Variants in PIK3C2B observed in about 807,000 individuals in gnomAD.
PIK3C2B encodes the protein phosphatidylinositol-4-phosphate 3-kinase catalytic subunit type 2 beta.
A neutral mutation model predicts 184.3 loss-of-function variants in PIK3C2B; 83 were observed. That is an observed-to-expected ratio of 0.45 (90% CI 0.38 to 0.54). The LOEUF (loss-of-function observed/expected upper bound fraction) is 0.54, where lower values mean the gene tolerates loss of function less well. Ranked by LOEUF, PIK3C2B falls within the 20% of genes least tolerant of loss-of-function variation. PIK3C2B has a pLI of 0.00. For missense variants in PIK3C2B, 1,736 were observed against 2,113.5 expected, an observed-to-expected ratio of 0.82 and a Z score of 3.50; for synonymous variants, 779 against 837.6, an observed-to-expected ratio of 0.93 and a Z score of 1.21.
chr1:204,435,751 C>G (rs1309264123), intron 23 of PIK3C2B: 3 of 152,188 alleles, frequency 2.0e-5, no homozygotes, highest in African/African-American at 7.2e-5. Flanking sequence ...AAAACTAGCT[C>G]CACACAGAAT....
At position 204,449,889 on chromosome 1, in the gene PIK3C2B, G is replaced by A. The variant is rs761711313; in HGVS notation, c.2195C>T (p.Ala732Val). The A allele has an allele frequency of 3.1e-6, 5 of 1,613,202 alleles. No individual in the cohort carries two copies. The Admixed American group carries it at 8.3e-5, about 27-fold the overall frequency. The change falls in exon 13 of 33, where the codon GCC becomes GTC. Residue 732 changes from alanine (A) to valine (V), a missense_variant. Coordinates refer to ENST00000684373, the MANE Select transcript of PIK3C2B (RefSeq NM_001377334.1). ...EANKQRRVPE[A>V]LGWVTTPLFN... is the part of the protein sequence containing the mutation. Reference sequence around the variant, plus strand: ...GAGTGGGGTAGTGACCCAGCCCAGGGCTTCAGGCACCCGCCGCTGCTTATT... The same window carrying A: ...GAGTGGGGTAGTGACCCAGCCCAGGACTTCAGGCACCCGCCGCTGCTTATT...
intron 7 of PIK3C2B, 143 bp from the exon 8 acceptor site, chr1:204,460,084 A>T (rs5013460): frequency 0.97 from 681,305 of 705,620 alleles, 330,661 homozygotes; most frequent in Non-Finnish European, 1. Flanking sequence ...CTGTGAAGAC[A>T]TATAGAGGGA....
chr1:204,486,878 G>A (rs779937045), intron 1 of PIK3C2B, among the ~76,000 whole-genome samples: 52 of 152,114 alleles, frequency 3.4e-4, no homozygotes, highest in Non-Finnish European at 6.5e-4. Context: ...CACAATCTCC[G>A]CTCACTGCAA....
At chr1:204,490,085 G>A (rs1319756622) in intron 1 of PIK3C2B, 5 of 396,070 alleles carry the variant, frequency 1.3e-5, no homozygotes, top group Non-Finnish European at 2.2e-5. Flanking sequence ...GTGGAACAGT[G>A]GCAGGAGTGA....
chr1:204,481,967 G>C (rs1010459295), intron 1 of PIK3C2B, among the ~76,000 whole-genome samples: 1 of 152,142 alleles, frequency 6.6e-6, no homozygotes, highest in African/African-American at 2.4e-5. Flanking sequence ...ACTTACACAG[G>C]GGTGTGAGAG....
In PIK3C2B at chr1:204,433,704, T is replaced by C. The variant is rs1292691274; in HGVS notation, c.3843+89A>G. The stretch of plus-strand genomic sequence containing the variant: ...GTTGGGGCTCAGAGAGGTAAATCTC[T>C]AGAAATCCTCTGCGGCAAGACAGGG... On this transcript the variant is annotated intron_variant, in intron 25 of 32. Coordinates refer to ENST00000684373, the MANE Select transcript of PIK3C2B (RefSeq NM_001377334.1). The surrounding 1 kb of genome is among the most constrained non-coding windows in gnomAD (Gnocchi z 5.0). 59 of 1,310,370 alleles carry C rather than the reference T, an allele frequency of 4.5e-5. No homozygotes were observed. The highest frequency in any genetic ancestry group is 8.9e-5 in the Admixed American group (5 of 56,274). 81.2% of individuals were successfully genotyped at this position (1,310,370 alleles called of 1,614,324 possible). A position where few individuals can be genotyped will look rare whatever the true frequency, so the allele number is the denominator to read the frequency against.
At position 204,423,943 on chromosome 1, in the gene PIK3C2B, TGG is replaced by T. The variant is rs1484639992; in HGVS notation, c.*907_*908del. On this transcript the variant is annotated 3_prime_UTR_variant, in exon 33 of 33. Transcript: ENST00000684373. ...AGAGACAAATGAAGGGAGAGACCTATGGGGAAGCACCCCCAGCATATTCATAG... is the reference window on the plus strand; with the variant it reads ...AGAGACAAATGAAGGGAGAGACCTATGGAAGCACCCCCAGCATATTCATAG... The T allele has an allele frequency of 6.6e-6, 1 of 152,538 alleles. No individual in the cohort carries two copies. The highest frequency in any genetic ancestry group is 1.5e-5 in the Non-Finnish European group (1 of 68,090). 9.4% of individuals were successfully genotyped at this position (152,538 alleles called of 1,614,324 possible). A position where few individuals can be genotyped will look rare whatever the true frequency, so the allele number is the denominator to read the frequency against.
intron 1 of PIK3C2B, among the ~76,000 whole-genome samples, chr1:204,471,898 A>G (rs1187096016): frequency 6.6e-6 from 1 of 152,224 alleles, no homozygotes; most frequent in Non-Finnish European, 1.5e-5. Context: ...TATATAAAAT[A>G]AAACAAAGCT....
intron 12 of PIK3C2B, 108 bp downstream of exon 12, chr1:204,454,561 G>T: frequency 1.8e-6 from 2 of 1,114,620 alleles, no homozygotes; most frequent in Non-Finnish European, 1.3e-6. Flanking sequence ...TTAACAAGGA[G>T]CCTGGTTTTA....
rs1654197246 is a variant in PIK3C2B at position 204,449,831 on chromosome 1, T to C, written c.2234+19A>G. The C allele has an allele frequency of 1.9e-6, 3 of 1,586,126 alleles. No individual in the cohort carries two copies. Among genetic ancestry groups the C allele is most frequent in the South Asian group, 2.3e-5 (2 of 85,908 alleles). On this transcript the variant is annotated intron_variant, in intron 13 of 32. Transcript: ENST00000684373. ...CTCCCCTTCCAAGGCCAAGAAGCTGTACCCTGGGGCTCACATACTGCCTGA... is the reference window on the plus strand; with the variant it reads ...CTCCCCTTCCAAGGCCAAGAAGCTGCACCCTGGGGCTCACATACTGCCTGA...
chr1:204,480,510 C>A (rs747408740), intron 1 of PIK3C2B, among the ~76,000 whole-genome samples: 3 of 152,092 alleles, frequency 2.0e-5, no homozygotes, highest in Non-Finnish European at 2.9e-5. Flanking sequence ...CTCTCCCCTG[C>A]AAGTATACAC....
At chr1:204,459,486 C>T (rs754513029) in intron 8 of PIK3C2B, among the ~76,000 whole-genome samples, 1 of 152,184 alleles carries the variant, frequency 6.6e-6, no homozygotes, top group African/African-American at 2.4e-5. Flanking sequence ...TTCCTACCTG[C>T]GATAACAGCA....
At chr1:204,450,285 G>A (rs562950966) in intron 12 of PIK3C2B, among the ~76,000 whole-genome samples, 10 of 152,302 alleles carry the variant, frequency 6.6e-5, no homozygotes, top group Middle Eastern at 3.4e-3. Flanking sequence ...GAAGCTACCC[G>A]TGGTGCCTGG....
chr1:204,474,409 T>A (rs1656553877), intron 1 of PIK3C2B, among the ~76,000 whole-genome samples: 1 of 152,196 alleles, frequency 6.6e-6, no homozygotes, highest in Admixed American at 6.5e-5. Flanking sequence ...CTCATTGTAA[T>A]CTGGTGTCTG....
Position 204,444,995 on chromosome 1 carries a change from G to T in PIK3C2B, c.2679-571C>A, listed in dbSNP as rs188571306. Among the ~76,000 whole-genome samples the T allele has an allele frequency of 9.6e-4, 146 of 152,180 alleles. 1 individual carries two copies. Among genetic ancestry groups the T allele is most frequent in the Non-Finnish European group, 1.5e-3 (100 of 67,998 alleles). ...GGCGAGAAATAAGCAGGAAATCCTG[G>T]GTACCATCTAGAAAAGGCAGCCCTA... On this transcript the variant is annotated intron_variant, in intron 16 of 32. Transcript: ENST00000684373.
At chr1:204,439,856 G>C (rs937968146) in intron 22 of PIK3C2B, among the ~76,000 whole-genome samples, 1 of 152,122 alleles carries the variant, frequency 6.6e-6, no homozygotes, top group African/African-American at 2.4e-5. Context: ...AAACATTCCT[G>C]AGCTCAAGCA....
intron 7 of PIK3C2B, 28 bp from the exon 8 acceptor site, chr1:204,459,969 C>T (rs767079543): frequency 5.0e-6 from 8 of 1,600,672 alleles, no homozygotes; most frequent in East Asian, 4.5e-5. Context: ...GGAAAAACCA[C>T]AGGAGAGGTC....
chr1:204,455,952 C>A lies in PIK3C2B; in HGVS notation c.1847G>T (p.Arg616Leu), dbSNP rs1171585359. The A allele has an allele frequency of 6.2e-7, 1 of 1,614,100 alleles. No homozygotes were observed. Among genetic ancestry groups the A allele is most frequent in the Non-Finnish European group, 8.5e-7 (1 of 1,179,964 alleles). ...ADFQTAVPGSRKHDLVQEACH... is the reference protein window; with the variant it reads ...ADFQTAVPGSLKHDLVQEACH... ...GGCCTCCTGGACCAGGTCATGCTTG[C>A]GGCTCCCGGGCACTGCCGTCTGGAA... Residue 616 changes from arginine to leucine, a missense_variant, in exon 11 of 33, where the codon CGC becomes CTC. Arg to Leu is a moderately radical substitution (Grantham distance 102). Around this residue, in one of 8 missense-constraint regions of PIK3C2B, gnomAD observed 609 missense variants for 699.2 expected, o/e 0.87. Coordinates refer to ENST00000684373, the MANE Select transcript of PIK3C2B (RefSeq NM_001377334.1).
chr1:204,437,070 G>C (rs966817527), intron 23 of PIK3C2B, among the ~76,000 whole-genome samples: 1 of 152,218 alleles, frequency 6.6e-6, no homozygotes, highest in Non-Finnish European at 1.5e-5. Context: ...CTGGAGCATA[G>C]GTTAGCATAA....
Sources: gnomAD v4.1 joint callset for allele counts (sites outside exome capture counted in the v4.1 genomes callset) on GRCh38, gnomAD v4.1.1 for gene constraint, gnomAD v4.1.1 regional missense constraint, Gnocchi (gnomAD v3.1) non-coding constraint, MANE v1.5 for transcripts, NCBI Gene and HGNC (gene_info 2026-07-23, HGNC 2026-07-21) for gene names.